Variants in C4orf51 observed in about 807,000 individuals in gnomAD.
C4orf51 encodes the protein uncharacterized protein C4orf51.
A neutral mutation model predicts 25.2 loss-of-function variants in C4orf51; 25 were observed. That is an observed-to-expected ratio of 0.99 (90% CI 0.72 to 1.39). The LOEUF (loss-of-function observed/expected upper bound fraction) is 1.39. Ranked by LOEUF, C4orf51 falls within the 40% of genes most tolerant of loss-of-function variation. The pLI is 0.00. For synonymous variants in C4orf51, 100 were observed against 84.5 expected (o/e 1.18, Z -1.01); for missense variants, 252 against 239.6 (o/e 1.05, Z -0.34).
chr4:145,703,453 T>C (rs896101119), intron 2 of C4orf51, among the ~76,000 whole-genome samples: 1 of 152,330 alleles, frequency 6.6e-6, no homozygotes, highest in East Asian at 1.9e-4. Context: ...TTAAAAGCTT[T>C]ATTGCTCACA....
intron 4 of C4orf51, 90 bp from the exon 5 acceptor site, chr4:145,729,802 A>T: frequency 9.2e-7 from 1 of 1,087,480 alleles, no homozygotes; most frequent in Middle Eastern, 2.0e-4. Flanking sequence ...CTATTGATTT[A>T]AAACAAGGTT....
rs117902141 is a variant in C4orf51 at position 145,680,420 on chromosome 4, G to A, written c.217G>A (p.Glu73Lys). 6.2e-7 allele frequency: 1 copy of A among 1,613,398 alleles called. No homozygotes were observed. Among genetic ancestry groups the A allele is most frequent in the Middle Eastern group, 1.6e-4 (1 of 6,062 alleles). Reference sequence around the variant, plus strand: ...ATTTTCTTTTAGAGCAGGACAGCATGAGCCTGAGTGTAAACAGTAAGATTT... The same window carrying A: ...ATTTTCTTTTAGAGCAGGACAGCATAAGCCTGAGTGTAAACAGTAAGATTT... ...SQFSFRAGQH[E>K]PECKQMSLTN... The change falls in exon 1 of 6, where the codon GAG (glutamate) becomes AAG (lysine). Residue 73 changes from glutamate to lysine, a missense_variant. Coordinates refer to ENST00000438731, the MANE Select transcript of C4orf51 (RefSeq NM_001080531.3).
intron 1 of C4orf51, among the ~76,000 whole-genome samples, chr4:145,743,253 T>C (rs1733194421): frequency 6.6e-6 from 1 of 152,220 alleles, no homozygotes; most frequent in Non-Finnish European, 1.5e-5. Flanking sequence ...TACCCGAGAC[T>C]ATATCATTTA....
At chr4:145,742,532 G>GTTTTTTTTTT (rs141147414) in intron 1 of C4orf51, among the ~76,000 whole-genome samples, 4 of 104,990 alleles carry the variant, frequency 3.8e-5, no homozygotes, top group African/African-American at 8.2e-5. Context: ...TCTTTTTCTT[G>GTTTTTTTTTT]TTTTTTTTTT....
chr4:145,716,552 G>A lies in C4orf51; in HGVS notation c.308-10359G>A, dbSNP rs544346138. Among the ~76,000 whole-genome samples the A allele has an allele frequency of 9.3e-4, 141 of 152,296 alleles. 1 individual carries two copies. In the South Asian group the frequency reaches 0.018, roughly 19 times the overall value. On this transcript the variant is annotated intron_variant, in intron 2 of 5. Coordinates refer to ENST00000438731, the MANE Select transcript of C4orf51 (RefSeq NM_001080531.3). ...ATAGATTATTTTCCATATAATTTCC[G>A]TCTCTCAGGGTTGAATCTTTGAAGG...
intron 2 of C4orf51, among the ~76,000 whole-genome samples, chr4:145,706,173 T>G (rs1247789536): frequency 4.6e-5 from 7 of 152,198 alleles, no homozygotes. Flanking sequence ...TCAGTTTTAT[T>G]AAAGACAAAT....
chr4:145,775,381 C>T (rs1432066598), downstream of C4orf51, among the ~76,000 whole-genome samples: 2 of 151,926 alleles, frequency 1.3e-5, no homozygotes, highest in African/African-American at 4.8e-5. Flanking sequence ...ATACGTAACG[C>T]CTTCTGGGCT....
chr4:145,788,843 G>T, the C4orf51 span, among the ~76,000 whole-genome samples: 17 of 152,132 alleles, frequency 1.1e-4, no homozygotes, highest in Non-Finnish European at 2.2e-4. Flanking sequence ...AAGTAATCAG[G>T]CCTGAAAATC....
At chr4:145,756,691 T>G (rs1733973069), downstream of C4orf51, among the ~76,000 whole-genome samples, 1 of 152,196 alleles carries the variant, frequency 6.6e-6, no homozygotes, top group Non-Finnish European at 1.5e-5. Flanking sequence ...TGCCTTATTT[T>G]AACATTTTCA....
the C4orf51 span, among the ~76,000 whole-genome samples, chr4:145,789,478 T>G: frequency 2.0e-5 from 3 of 152,310 alleles, no homozygotes; most frequent in African/African-American, 7.2e-5. Flanking sequence ...TATGATGCAT[T>G]TTACACACAT....
intron 1 of C4orf51, among the ~76,000 whole-genome samples, chr4:145,769,844 A>T (rs941569170): frequency 6.6e-6 from 1 of 152,234 alleles, no homozygotes; most frequent in Non-Finnish European, 1.5e-5. Context: ...AATATTGCAC[A>T]ATTTTAAACA....
In C4orf51 at chr4:145,729,160, T is replaced by G; in HGVS notation, c.367-9T>G. 6.3e-7 allele frequency: 1 copy of G among 1,581,766 alleles called. No homozygotes were observed. ...GGTTGGTATTTATTTCTATCTCTCC[T>G]TTTTATAGGCACATCAAATTTGGGA... On this transcript the variant is annotated splice_polypyrimidine_tract_variant and intron_variant, in intron 3 of 5. Transcript: ENST00000438731.
intron 1 of C4orf51, among the ~76,000 whole-genome samples, chr4:145,690,388 C>A (rs1461556979): frequency 6.6e-6 from 1 of 151,738 alleles, no homozygotes; most frequent in Non-Finnish European, 1.5e-5. Context: ...ACCTGTAGTC[C>A]CAGCTACTCG....
chr4:145,706,049 A>G (rs1175349611), intron 2 of C4orf51, among the ~76,000 whole-genome samples: 1 of 151,870 alleles, frequency 6.6e-6, no homozygotes, highest in Non-Finnish European at 1.5e-5. Context: ...GTTGGTTCAC[A>G]GGAATAAGCA....
chr4:145,778,279 G>A, the C4orf51 span, among the ~76,000 whole-genome samples: 1 of 151,942 alleles, frequency 6.6e-6, no homozygotes, highest in Non-Finnish European at 1.5e-5. Flanking sequence ...GATTACAAGC[G>A]TGCACCACCA....
intron 2 of C4orf51, among the ~76,000 whole-genome samples, chr4:145,711,943 C>T (rs1380471509): frequency 6.6e-6 from 1 of 152,138 alleles, no homozygotes; most frequent in Non-Finnish European, 1.5e-5. Context: ...GTCTCTGTGT[C>T]ACATTTTGAT....
downstream of C4orf51, chr4:145,758,113 C>A (rs1734091659): frequency 6.6e-6 from 1 of 152,004 alleles, no homozygotes; most frequent in Admixed American, 6.6e-5. Context: ...TTATTAATAA[C>A]AATAATAATA....
intron 1 of C4orf51, among the ~76,000 whole-genome samples, chr4:145,745,320 A>ACTTTT (rs1553968915): frequency 3.7e-5 from 5 of 135,326 alleles, no homozygotes; most frequent in African/African-American, 1.4e-4. Flanking sequence ...TTATTCATTC[A>ACTTTT]TTTTTTTTTT....
chr4:145,727,849 C>T (rs111251239), intron 3 of C4orf51, among the ~76,000 whole-genome samples: 1,504 of 139,972 alleles, frequency 0.011, 36 homozygotes, highest in African/African-American at 0.038. Flanking sequence ...GCCACTGCAC[C>T]GCAGCCTGGG....
Sources: gnomAD v4.1 joint callset for allele counts (sites outside exome capture counted in the v4.1 genomes callset) on GRCh38, gnomAD v4.1.1 for gene constraint, MANE v1.5 for transcripts, NCBI Gene and HGNC (gene_info 2026-07-23, HGNC 2026-07-21) for gene names.